KIT: variants seen among roughly 807,000 people sequenced by gnomAD.
The protein encoded by KIT is KIT proto-oncogene, receptor tyrosine kinase, also known as mast/stem cell growth factor receptor Kit.
Under a neutral mutation model 105.7 loss-of-function variants are expected in KIT, and 16 were observed. The ratio of observed to expected loss-of-function variants is 0.15; its 90% CI spans 0.10 to 0.23. KIT has a LOEUF of 0.23. Ranked by LOEUF, KIT falls within the 10% of genes least tolerant of loss-of-function variation. KIT has a pLI of 1.00. For synonymous variants in KIT, 438 were observed against 441.1 expected (o/e 0.99, Z 0.09); for missense variants, 858 against 1,213.8 (o/e 0.71, Z 4.36).
intron 7 of KIT, among the ~76,000 whole-genome samples, chr4:54,713,069 T>A (rs1295548123): frequency 6.6e-6 from 1 of 151,882 alleles, no homozygotes; most frequent in Non-Finnish European, 1.5e-5. Context: ...TGATTTTTTT[T>A]AATTGAAAAA....
intron 1 of KIT, among the ~76,000 whole-genome samples, chr4:54,676,093 C>T (rs1577924588): frequency 6.6e-6 from 1 of 152,316 alleles, no homozygotes; most frequent in East Asian, 1.9e-4. Flanking sequence ...TGCAGGTTTG[C>T]TTTGAGTTCC....
chr4:54,723,531 GT>G (rs908066095), intron 7 of KIT, 52 bp from the exon 8 acceptor site: 37 of 1,176,194 alleles, frequency 3.1e-5, no homozygotes, highest in Non-Finnish European at 4.6e-5. Context: ...TGAAGTGAAT[GT>G]TGCTGAGGTT....
At chr4:54,692,268 A>T (rs1237196694) in intron 1 of KIT, among the ~76,000 whole-genome samples, 1 of 152,166 alleles carries the variant, frequency 6.6e-6, no homozygotes, top group Non-Finnish European at 1.5e-5. Flanking sequence ...TTTCTATGAT[A>T]GCATGTATTA....
intron 4 of KIT, among the ~76,000 whole-genome samples, chr4:54,701,223 A>T (rs983138588): frequency 6.6e-6 from 1 of 152,186 alleles, no homozygotes; most frequent in African/African-American, 2.4e-5. Flanking sequence ...CCCAGTGTGC[A>T]CCTCCAAGGG....
chr4:54,685,700 G>A (rs1466951828), intron 1 of KIT, among the ~76,000 whole-genome samples: 1 of 152,166 alleles, frequency 6.6e-6, no homozygotes, highest in Non-Finnish European at 1.5e-5. Context: ...CACACCGGCA[G>A]CAATTCTGAA....
rs776681643 is a variant in KIT, at chr4:54,736,787, G to A, written c.2663G>A (p.Arg888Gln). The change falls in exon 19 of 21, where the codon CGG becomes CAG. Residue 888 changes from arginine (R) to glutamine (Q), a missense_variant. Arg to Gln is a conservative substitution (Grantham distance 43). Coordinates refer to ENST00000288135, the MANE Select transcript of KIT (RefSeq NM_000222.3). ...TACAAGATGATCAAGGAAGGCTTCCGGATGCTCAGCCCTGAACACGCACCT... is the reference window on the plus strand; with the variant it reads ...TACAAGATGATCAAGGAAGGCTTCCAGATGCTCAGCCCTGAACACGCACCT... ...KFYKMIKEGF[R>Q]MLSPEHAPAE... The A allele has an allele frequency of 9.0e-5, 146 of 1,613,960 alleles. No individual in the cohort carries two copies. The highest frequency in any genetic ancestry group is 1.2e-4 in the Non-Finnish European group (137 of 1,179,992).
chr4:54,725,368 G>A (rs1722150179), intron 8 of KIT, among the ~76,000 whole-genome samples: 1 of 152,156 alleles, frequency 6.6e-6, no homozygotes, highest in African/African-American at 2.4e-5. Context: ...GCCTCCTAAA[G>A]TGCTGAGATT....
chr4:54,681,431 C>G (rs1347515327), intron 1 of KIT, among the ~76,000 whole-genome samples: 1 of 152,224 alleles, frequency 6.6e-6, no homozygotes, highest in East Asian at 1.9e-4. Context: ...AGACTGACTT[C>G]ATAATGGCAG....
At chr4:54,698,245 C>T (rs1247299403) in intron 2 of KIT, 39 bp from the exon 3 acceptor site, 37 of 1,590,998 alleles carry the variant, frequency 2.3e-5, no homozygotes, top group Non-Finnish European at 3.1e-5. Context: ...TGTCTGTGAC[C>T]AGCCATTCCA....
intron 5 of KIT, among the ~76,000 whole-genome samples, chr4:54,704,999 T>C (rs752337894): frequency 6.6e-6 from 1 of 152,342 alleles, no homozygotes; most frequent in Non-Finnish European, 1.5e-5. Context: ...CTTGCAATTA[T>C]AGTCAGCACA....
intron 1 of KIT, among the ~76,000 whole-genome samples, chr4:54,663,836 G>A (rs1717482869): frequency 6.6e-6 from 1 of 152,140 alleles, no homozygotes; most frequent in Admixed American, 6.5e-5. Flanking sequence ...GTAAGTATTA[G>A]TTTAACATCT....
intron 17 of KIT, among the ~76,000 whole-genome samples, chr4:54,734,014 C>T (rs931750556): frequency 3.3e-5 from 5 of 152,094 alleles, no homozygotes; most frequent in African/African-American, 1.2e-4. Flanking sequence ...ATCACTGTGG[C>T]GTCTCTATTG....
intron 7 of KIT, among the ~76,000 whole-genome samples, chr4:54,717,545 A>C (rs1721585612): frequency 6.6e-6 from 1 of 152,128 alleles, no homozygotes; most frequent in Non-Finnish European, 1.5e-5. Context: ...AATTGACTCT[A>C]AACTTGGGTA....
At chr4:54,685,987 C>T (rs957207478) in intron 1 of KIT, among the ~76,000 whole-genome samples, 2 of 152,206 alleles carry the variant, frequency 1.3e-5, no homozygotes, top group Non-Finnish European at 1.5e-5. Flanking sequence ...CTGTCTTCCC[C>T]ACTGGGCTGT....
chr4:54,706,351 AT>A (rs1560401395), intron 5 of KIT, among the ~76,000 whole-genome samples: 1 of 152,148 alleles, frequency 6.6e-6, no homozygotes, highest in Non-Finnish European at 1.5e-5. Flanking sequence ...TAGTTTTGCT[AT>A]TTTTAATAAG....
At chr4:54,737,110 G>T in intron 19 of KIT, 65 bp from the exon 20 acceptor site, 2 of 1,007,844 alleles carry the variant, frequency 2.0e-6, no homozygotes, top group East Asian at 4.8e-5. Context: ...GTTGCTGGAT[G>T]CCCATACATT....
At chr4:54,689,231 A>G (rs1255998155) in intron 1 of KIT, among the ~76,000 whole-genome samples, 1 of 152,218 alleles carries the variant, frequency 6.6e-6, no homozygotes, top group Non-Finnish European at 1.5e-5. Flanking sequence ...CCCCATAAGC[A>G]CACACTCATT....
intron 17 of KIT, 89 bp from the exon 18 acceptor site, chr4:54,736,409 G>A: frequency 3.0e-6 from 3 of 1,012,866 alleles, no homozygotes; most frequent in Non-Finnish European, 4.7e-6. Flanking sequence ...CCACATTTCA[G>A]CAACAGCAGC....
intron 1 of KIT, among the ~76,000 whole-genome samples, chr4:54,680,385 CTTTTT>C (rs756268006): frequency 9.7e-6 from 1 of 102,688 alleles, no homozygotes; most frequent in Non-Finnish European, 2.0e-5. Flanking sequence ...TTCATTCGTC[CTTTTT>C]TTTTTTTTTT....
Sources: allele counts gnomAD v4.1 joint callset (sites outside exome capture counted in the v4.1 genomes callset), GRCh38; gene constraint gnomAD v4.1.1; transcripts MANE v1.5; gene names NCBI Gene and HGNC (gene_info 2026-07-23, HGNC 2026-07-21).